DPH6: variants seen among roughly 807,000 people sequenced by gnomAD.
DPH6 encodes the protein diphthamine biosynthesis 6.
DPH6 carries 33 observed loss-of-function variants against 38.2 expected under a neutral mutation model. The observed-to-expected ratio is 0.86, with a 90% CI of 0.65 to 1.15. The LOEUF is 1.15. Ranked by LOEUF, DPH6 falls within the 50% of genes most tolerant of loss-of-function variation. The pLI is 0.00. For synonymous variants in DPH6, 108 were observed against 103.0 expected, an observed-to-expected ratio of 1.05 and a Z score of -0.30; for missense variants, 325 against 320.0, an observed-to-expected ratio of 1.02 and a Z score of -0.12.
chr15:35,245,393 C>G (rs318340), intron 3 of DPH6, among the ~76,000 whole-genome samples: 83,607 of 151,688 alleles, frequency 0.55, 26,612 homozygotes, highest in Non-Finnish European at 0.73. Flanking sequence ...CGCCCGCCAC[C>G]ATGCCCGGAT....
chr15:35,355,002 G>C (rs1422798655), intron 3 of DPH6, among the ~76,000 whole-genome samples: 1 of 152,152 alleles, frequency 6.6e-6, no homozygotes, highest in Admixed American at 6.6e-5. Flanking sequence ...AGGATAGTTA[G>C]TTCTTCTTGT....
the DPH6 span, among the ~76,000 whole-genome samples, chr15:35,165,783 G>C: frequency 1.6e-4 from 25 of 151,900 alleles, no homozygotes; most frequent in African/African-American, 5.6e-4. Context: ...GCTAATCTTA[G>C]TATATAATTC....
chr15:35,413,833 A>AT (rs1226222873), intron 5 of DPH6, among the ~76,000 whole-genome samples: 2 of 150,840 alleles, frequency 1.3e-5, no homozygotes, highest in African/African-American at 4.9e-5. Flanking sequence ...TTTTTCTTTT[A>AT]TTTTTTTCTG....
chr15:35,233,194 A>C (rs961663099), intron 3 of DPH6, among the ~76,000 whole-genome samples: 1 of 152,180 alleles, frequency 6.6e-6, no homozygotes, highest in Non-Finnish European at 1.5e-5. Context: ...CTGTAATCCC[A>C]GCTACTCGGG....
At chr15:35,508,642 T>C (rs1485198176) in intron 3 of DPH6, among the ~76,000 whole-genome samples, 1 of 152,172 alleles carries the variant, frequency 6.6e-6, no homozygotes, top group African/African-American at 2.4e-5. Context: ...GTAGGGCTAT[T>C]TTTTAGCAAT....
At chr15:35,230,544 T>G (rs1420178488) in intron 3 of DPH6, among the ~76,000 whole-genome samples, 2 of 152,082 alleles carry the variant, frequency 1.3e-5, no homozygotes, top group African/African-American at 4.8e-5. Flanking sequence ...GGATCCAAGG[T>G]GCAAGACAAA....
chr15:35,390,295 T>G (rs1193359737), intron 6 of DPH6, among the ~76,000 whole-genome samples: 1 of 152,152 alleles, frequency 6.6e-6, no homozygotes, highest in Non-Finnish European at 1.5e-5. Context: ...CATTTCAACT[T>G]TGGTGAATCT....
downstream of DPH6, among the ~76,000 whole-genome samples, chr15:35,370,017 A>G (rs139448200): frequency 1.8e-4 from 27 of 151,978 alleles, no homozygotes; most frequent in East Asian, 5.0e-3. Context: ...CAAAAGAGAC[A>G]AATCCATCAG....
At chr15:35,231,501 C>T (rs949417645) in intron 3 of DPH6, among the ~76,000 whole-genome samples, 1 of 152,190 alleles carries the variant, frequency 6.6e-6, no homozygotes, top group African/African-American at 2.4e-5. Context: ...TTGGTTCATA[C>T]AAAGGTGCTT....
intron 3 of DPH6, among the ~76,000 whole-genome samples, chr15:35,281,428 C>A (rs1305778864): frequency 2.0e-5 from 3 of 152,038 alleles, no homozygotes; most frequent in Non-Finnish European, 4.4e-5. Flanking sequence ...CATATTTTGA[C>A]CCAAAATAAT....
chr15:35,436,509 C>CAAAAAAAAAAAAAAAAA (rs1491101707), intron 5 of DPH6, among the ~76,000 whole-genome samples: 1 of 107,584 alleles, frequency 9.3e-6, no homozygotes. Context: ...CAAAACAAAA[C>CAAAAAAAAAAAAAAAAA]AAAACAAAAA....
the DPH6 span, among the ~76,000 whole-genome samples, chr15:35,204,483 T>C: frequency 2.0e-5 from 3 of 151,782 alleles, no homozygotes; most frequent in African/African-American, 7.2e-5. Flanking sequence ...ATTCTTAGTT[T>C]GTCTAAAAAA....
the DPH6 span, among the ~76,000 whole-genome samples, chr15:35,152,178 A>G: frequency 6.6e-6 from 1 of 152,216 alleles, no homozygotes; most frequent in Non-Finnish European, 1.5e-5. Flanking sequence ...CAATTAGCCT[A>G]TGGTAAAATT....
At chr15:35,148,970 T>C in the DPH6 span, among the ~76,000 whole-genome samples, 2 of 152,138 alleles carry the variant, frequency 1.3e-5, no homozygotes, top group Non-Finnish European at 2.9e-5. Context: ...GTCCCCCTGG[T>C]CAATGTCTCC....
chr15:35,521,460 T>C (rs1480730144), intron 3 of DPH6: 4 of 1,186,462 alleles, frequency 3.4e-6, no homozygotes, highest in Non-Finnish European at 4.2e-6. Flanking sequence ...CTGATTGCTT[T>C]TCATTGATCT....
At chr15:35,286,090 T>G (rs1482145395) in intron 3 of DPH6, among the ~76,000 whole-genome samples, 1 of 152,050 alleles carries the variant, frequency 6.6e-6, no homozygotes, top group East Asian at 1.9e-4. Flanking sequence ...GCTTCATGAA[T>G]TCACCTGTCC....
In DPH6 at chr15:35,313,240, A is replaced by ATTT. The variant is rs370160874; in HGVS notation, n.200+60278_200+60280dup. Among the ~76,000 whole-genome samples, 793 of 142,422 alleles carry ATTT rather than the reference A, an allele frequency of 5.6e-3. 13 individuals carry two copies. Among genetic ancestry groups the ATTT allele is most frequent in the African/African-American group, 0.019 (749 of 38,918 alleles). The allele number at this position is 142,422 out of a possible 152,430, so 93.4% of individuals were successfully genotyped here. A position where few individuals can be genotyped will look rare whatever the true frequency, so the allele number is the denominator to read the frequency against. ...AGAGTGAGACTCAGTTTAAAAAAAA[A>ATTT]TTTTTTTTTTTTTTTTAAATCAGGT... is the stretch of plus-strand genomic sequence containing the variant. On this transcript the variant is annotated intron_variant and non_coding_transcript_variant, in intron 3 of 3. Coordinates refer to the DPH6 transcript ENST00000560386.
intron 3 of DPH6, among the ~76,000 whole-genome samples, chr15:35,285,436 G>A (rs1160048027): frequency 6.6e-6 from 1 of 152,096 alleles, no homozygotes. Flanking sequence ...TTATAAAGAG[G>A]AGTTCCTTTG....
chr15:35,246,490 T>C (rs142023584), intron 3 of DPH6, among the ~76,000 whole-genome samples: 1 of 152,314 alleles, frequency 6.6e-6, no homozygotes, highest in East Asian at 1.9e-4. Context: ...CAAATAGTAT[T>C]TTTCTTCAAA....
Sources: allele counts gnomAD v4.1 joint callset (sites outside exome capture counted in the v4.1 genomes callset), GRCh38; gene constraint gnomAD v4.1.1; transcripts MANE v1.5; gene names NCBI Gene and HGNC (gene_info 2026-07-23, HGNC 2026-07-21).